Variants in ZNF385B observed in about 807,000 individuals in gnomAD.
ZNF385B encodes the protein zinc finger protein 385B.
ZNF385B carries 23 observed loss-of-function variants against 39.2 expected under a neutral mutation model. The ratio of observed to expected loss-of-function variants is 0.59; its 90% CI spans 0.42 to 0.83. The LOEUF (loss-of-function observed/expected upper bound fraction) is 0.83, where lower values mean the gene tolerates loss of function less well. Ranked by LOEUF, ZNF385B falls within the 40% of genes least tolerant of loss-of-function variation. The pLI is 0.00. For synonymous variants in ZNF385B, 205 were observed against 222.6 expected (o/e 0.92, Z 0.70); for missense variants, 552 against 598.9 (o/e 0.92, Z 0.82).
chr2:179,831,772 G>A lies in ZNF385B; in HGVS notation c.-155+29329C>T, dbSNP rs976242841. On this transcript the variant is annotated intron_variant, in intron 1 of 9. Transcript: ENST00000410066. Reference sequence around the variant, plus strand: ...GGGTCCAAGCCCTGGATCAGGAGTGGGGAGGCCATTATTGTAGTCCAAGCT... The same window carrying A: ...GGGTCCAAGCCCTGGATCAGGAGTGAGGAGGCCATTATTGTAGTCCAAGCT... Among the ~76,000 whole-genome samples, 6 of 152,154 alleles carry A rather than the reference G, an allele frequency of 3.9e-5. No homozygotes were observed. The East Asian group carries it at 9.6e-4, about 24-fold the overall frequency.
intron 5 of ZNF385B, among the ~76,000 whole-genome samples, chr2:179,513,153 G>T (rs1036140077): frequency 6.6e-6 from 1 of 152,066 alleles, no homozygotes; most frequent in Non-Finnish European, 1.5e-5. Context: ...ATTTAGAAAT[G>T]TTATTAAAAA....
At chr2:179,474,352 G>A (rs1342554077) in intron 6 of ZNF385B, among the ~76,000 whole-genome samples, 1 of 151,930 alleles carries the variant, frequency 6.6e-6, no homozygotes, top group Non-Finnish European at 1.5e-5. Context: ...AAGTAATTGA[G>A]GTTTTTGCCA....
At chr2:179,538,663 A>G (rs11889308) in intron 4 of ZNF385B, among the ~76,000 whole-genome samples, 10,491 of 152,260 alleles carry the variant, frequency 0.069, 490 homozygotes, top group African/African-American at 0.14. Flanking sequence ...TTGGAACTTT[A>G]TACTTTGAAA....
At chr2:179,614,141 A>G (rs539877947) in intron 3 of ZNF385B, among the ~76,000 whole-genome samples, 4 of 152,204 alleles carry the variant, frequency 2.6e-5, no homozygotes, top group Admixed American at 1.3e-4. Context: ...TACCCTCTTC[A>G]GTGCCTCTTT....
At chr2:179,517,904 T>G (rs2058202246) in intron 5 of ZNF385B, among the ~76,000 whole-genome samples, 2 of 152,172 alleles carry the variant, frequency 1.3e-5, no homozygotes, top group African/African-American at 4.8e-5. Flanking sequence ...TTATGAAACT[T>G]TCTCTATATT....
intron 1 of ZNF385B, among the ~76,000 whole-genome samples, chr2:179,845,795 T>C (rs1264114634): frequency 6.6e-6 from 1 of 152,200 alleles, no homozygotes; most frequent in East Asian, 1.9e-4. Flanking sequence ...TACAACTTGA[T>C]ATATTAGATG....
At chr2:179,474,110 A>T (rs1341169391) in intron 6 of ZNF385B, among the ~76,000 whole-genome samples, 1 of 147,772 alleles carries the variant, frequency 6.8e-6, no homozygotes, top group African/African-American at 2.6e-5. Flanking sequence ...ATTTGATTTA[A>T]AAAAAAAAAC....
At chr2:179,606,072 A>T (rs185799802) in intron 3 of ZNF385B, among the ~76,000 whole-genome samples, 1 of 152,268 alleles carries the variant, frequency 6.6e-6, no homozygotes, top group East Asian at 1.9e-4. Flanking sequence ...TAGGAAGTAG[A>T]AGTAGTAGCT....
chr2:179,560,207 T>G (rs2105958932), intron 3 of ZNF385B, among the ~76,000 whole-genome samples: 2 of 152,318 alleles, frequency 1.3e-5, no homozygotes, highest in Middle Eastern at 6.8e-3. Flanking sequence ...TAATGACTTC[T>G]TCATAAGAAG....
chr2:179,487,313 G>A (rs765675069), intron 5 of ZNF385B, among the ~76,000 whole-genome samples: 4 of 152,198 alleles, frequency 2.6e-5, no homozygotes, highest in Non-Finnish European at 5.9e-5. Flanking sequence ...TGTTGTTTGG[G>A]AAAAATGGAG....
At chr2:179,699,416 C>T (rs1699005061) in intron 3 of ZNF385B, among the ~76,000 whole-genome samples, 1 of 152,190 alleles carries the variant, frequency 6.6e-6, no homozygotes, top group Non-Finnish European at 1.5e-5. Context: ...AATGATTTAA[C>T]ATAGTCATTT....
Position 179,446,783 on chromosome 2 carries a change from CAG to C in ZNF385B, c.716-15_716-14del, listed in dbSNP as rs1217919516. ...TTCCCTTTATCTTCTAAGAGAAACA[CAG>C]AGAGATCTTATTGAAGCCTCATATA... On this transcript the variant is annotated splice_polypyrimidine_tract_variant and intron_variant, in intron 6 of 9. Transcript: ENST00000410066. 3.8e-6 allele frequency: 6 copies of C among 1,596,620 alleles called. No homozygotes were observed. In the East Asian group the frequency reaches 1.1e-4, roughly 30 times the overall value.
chr2:179,629,756 T>C (rs1383401124), intron 3 of ZNF385B, among the ~76,000 whole-genome samples: 1 of 152,138 alleles, frequency 6.6e-6, no homozygotes, highest in Non-Finnish European at 1.5e-5. Context: ...GGATTTCCCT[T>C]TCCTAGCCAA....
Position 179,443,285 on chromosome 2 carries a change from C to A in ZNF385B, c.1426G>T (p.Ala476Ser). The change falls in exon 10 of 10, where the codon GCC becomes TCC. Residue 476 changes from alanine (A) to serine (S), a missense_variant. Coordinates refer to ENST00000410066, the MANE Select transcript of ZNF385B (RefSeq NM_152520.6). ...GCAAAGAGGATGGAGGCAGGAGTGG[C>A]GCGGATGGGCCCATGCCCAGGCCTC... is the stretch of plus-strand genomic sequence containing the variant. ...LLRPGHGPIR[A>S]TPASILFAPY is the part of the protein sequence containing the mutation. The A allele has an allele frequency of 6.2e-7, 1 of 1,612,440 alleles. No homozygotes were observed. The highest frequency in any genetic ancestry group is 8.5e-7 in the Non-Finnish European group (1 of 1,179,996).
At chr2:179,478,804 G>T (rs1262256680) in intron 6 of ZNF385B, among the ~76,000 whole-genome samples, 1 of 152,116 alleles carries the variant, frequency 6.6e-6, no homozygotes, top group Non-Finnish European at 1.5e-5. Context: ...GATTTTTCTG[G>T]AGGCTCTGTA....
intron 1 of ZNF385B, among the ~76,000 whole-genome samples, chr2:179,819,655 G>A (rs1707286345): frequency 6.6e-6 from 1 of 152,200 alleles, no homozygotes; most frequent in African/African-American, 2.4e-5. Context: ...CGAAAGTTGA[G>A]GATGGGCTTA....
At chr2:179,755,359 G>T (rs1702945908) in intron 3 of ZNF385B, among the ~76,000 whole-genome samples, 2 of 152,140 alleles carry the variant, frequency 1.3e-5, no homozygotes, top group Admixed American at 1.3e-4. Flanking sequence ...CAACTATGTG[G>T]TCAATTTTGG....
intron 5 of ZNF385B, among the ~76,000 whole-genome samples, chr2:179,504,192 C>T (rs1201127317): frequency 6.6e-6 from 1 of 151,828 alleles, no homozygotes; most frequent in Non-Finnish European, 1.5e-5. Context: ...CATGTCCCTA[C>T]AAAGGACATG....
At chr2:179,843,505 T>A (rs1430270147) in intron 1 of ZNF385B, among the ~76,000 whole-genome samples, 1 of 152,268 alleles carries the variant, frequency 6.6e-6, no homozygotes, top group East Asian at 1.9e-4. Context: ...CTGAGTTATA[T>A]ATTATCCATA....
Sources: allele counts gnomAD v4.1 joint callset (sites outside exome capture counted in the v4.1 genomes callset), GRCh38; gene constraint gnomAD v4.1.1; transcripts MANE v1.5; gene names NCBI Gene and HGNC (gene_info 2026-07-23, HGNC 2026-07-21).